The following ADAMTS3 variants were observed in gnomAD, a reference collection of about 807,000 sequenced individuals.
ADAMTS3 encodes the protein A disintegrin and metalloproteinase with thrombospondin motifs 3.
A neutral mutation model predicts 129.0 loss-of-function variants in ADAMTS3; 73 were observed. The ratio of observed to expected loss-of-function variants is 0.57; its 90% CI spans 0.47 to 0.69. The LOEUF is 0.69. ADAMTS3 is among the 30% of genes least tolerant of loss of function. ADAMTS3 has a pLI of 0.00. For synonymous variants in ADAMTS3, 477 were observed against 510.8 expected (o/e 0.93, Z 0.89); for missense variants, 1,457 against 1,514.5 (o/e 0.96, Z 0.63).
At chr4:72,562,922 A>G (rs1721937910) in intron 2 of ADAMTS3, among the ~76,000 whole-genome samples, 1 of 152,176 alleles carries the variant, frequency 6.6e-6, no homozygotes, top group African/African-American at 2.4e-5. Context: ...ATCATTGTCA[A>G]TATATCCTTT....
chr4:72,420,170 T>G (rs1223406607), intron 3 of ADAMTS3, among the ~76,000 whole-genome samples: 13 of 152,002 alleles, frequency 8.6e-5, no homozygotes, highest in Non-Finnish European at 1.9e-4. Context: ...TCCTACCGAG[T>G]CCACCTAGGC....
At chr4:72,548,045 G>A (rs1050472471) in intron 3 of ADAMTS3, among the ~76,000 whole-genome samples, 4 of 152,168 alleles carry the variant, frequency 2.6e-5, no homozygotes, top group African/African-American at 4.8e-5. Context: ...ATTCTGTGAG[G>A]AAGCTAAAGA....
At chr4:72,297,524 T>A (rs1263479547) in intron 18 of ADAMTS3, among the ~76,000 whole-genome samples, 1 of 152,186 alleles carries the variant, frequency 6.6e-6, no homozygotes, top group Non-Finnish European at 1.5e-5. Flanking sequence ...GCCTCTTGCC[T>A]TCTCCTGCCC....
At chr4:72,516,927 G>T (rs1720501017) in intron 3 of ADAMTS3, among the ~76,000 whole-genome samples, 1 of 152,060 alleles carries the variant, frequency 6.6e-6, no homozygotes, top group South Asian at 2.1e-4. Flanking sequence ...TTTTCAAAGG[G>T]AATGCTTCCA....
rs551640243 is a variant in ADAMTS3, at chr4:72,467,983, G to A, written c.505-53012C>T. Among the ~76,000 whole-genome samples, 20 of 151,094 alleles carry A rather than the reference G, an allele frequency of 1.3e-4. No homozygotes were observed. The East Asian group carries it at 3.7e-3, about 28-fold the overall frequency. On this transcript the variant is annotated intron_variant, in intron 3 of 21. Transcript: ENST00000286657. Reference sequence around the variant, plus strand: ...ATCATATATGCCTGTATGTATCAGAGCAAAGAAGGTTATAAACTCTGGACC... The same window carrying A: ...ATCATATATGCCTGTATGTATCAGAACAAAGAAGGTTATAAACTCTGGACC...
chr4:72,488,801 C>T (rs1239262710), intron 3 of ADAMTS3, among the ~76,000 whole-genome samples: 1 of 151,648 alleles, frequency 6.6e-6, no homozygotes, highest in African/African-American at 2.4e-5. Flanking sequence ...GGTGAGAACA[C>T]CTAGGATCTA....
At chr4:72,560,582 G>A (rs1721878735) in intron 2 of ADAMTS3, among the ~76,000 whole-genome samples, 1 of 152,130 alleles carries the variant, frequency 6.6e-6, no homozygotes, top group African/African-American at 2.4e-5. Flanking sequence ...AACTAACTCA[G>A]GAACAGAAAA....
At chr4:72,423,004 A>G (rs887347200) in intron 3 of ADAMTS3, among the ~76,000 whole-genome samples, 1 of 152,190 alleles carries the variant, frequency 6.6e-6, no homozygotes, top group Non-Finnish European at 1.5e-5. Flanking sequence ...GTTCCATCAA[A>G]AATTACAATG....
chr4:72,302,321 C>G (rs1301008661), intron 17 of ADAMTS3, among the ~76,000 whole-genome samples: 2 of 145,978 alleles, frequency 1.4e-5, no homozygotes, highest in African/African-American at 5.0e-5. Context: ...AAAAAAGAAC[C>G]AAATGGAAAT....
At chr4:72,559,928 A>T (rs1249508042) in intron 2 of ADAMTS3, among the ~76,000 whole-genome samples, 1 of 151,766 alleles carries the variant, frequency 6.6e-6, no homozygotes, top group Admixed American at 6.6e-5. Context: ...GCATCAAACT[A>T]CCTGACTTCA....
chr4:72,311,064 A>G lies in ADAMTS3; in HGVS notation c.2039T>C (p.Val680Ala). The G allele has an allele frequency of 6.2e-7, 1 of 1,607,510 alleles. No individual in the cohort carries two copies. The highest frequency in any genetic ancestry group is 1.1e-5 in the South Asian group (1 of 89,946). Reference protein sequence around the residue: ...CSYKDPYSICVRGECVKVGCD... With the variant: ...CSYKDPYSICARGECVKVGCD... ...TGAACTTACCACACACTCTCCTCGC[A>G]CACATATGCTATATGGATCTTTGTA... is the stretch of plus-strand genomic sequence containing the variant. Residue 680 changes from valine (V) to alanine (A), a missense_variant, in exon 14 of 22, where the codon GTG (valine) becomes GCG (alanine). Physicochemically the swap from Val to Ala is moderately conservative, Grantham distance 64. Coordinates refer to ENST00000286657, the MANE Select transcript of ADAMTS3 (RefSeq NM_014243.3).
intron 3 of ADAMTS3, among the ~76,000 whole-genome samples, chr4:72,478,345 T>C (rs1719306674): frequency 6.6e-6 from 1 of 150,714 alleles, no homozygotes; most frequent in Non-Finnish European, 1.5e-5. Flanking sequence ...TTATCCACCA[T>C]GATCAAGTGG....
chr4:72,420,718 A>G (rs1722422317), intron 3 of ADAMTS3, among the ~76,000 whole-genome samples: 1 of 152,242 alleles, frequency 6.6e-6, no homozygotes, highest in South Asian at 2.1e-4. Context: ...ATACCTGATA[A>G]ATGAAAAAAC....
chr4:72,551,302 CA>C (rs1721640580), intron 2 of ADAMTS3, among the ~76,000 whole-genome samples: 1 of 152,036 alleles, frequency 6.6e-6, no homozygotes. Flanking sequence ...TCTCCATACC[CA>C]AGAGGATACT....
chr4:72,413,911 A>G (rs1207986676), intron 4 of ADAMTS3, among the ~76,000 whole-genome samples: 1 of 139,824 alleles, frequency 7.2e-6, no homozygotes, highest in Non-Finnish European at 1.6e-5. Context: ...GTTATCTTAA[A>G]TTGCACTATT....
At chr4:72,362,001 A>G (rs1720740891) in intron 4 of ADAMTS3, among the ~76,000 whole-genome samples, 1 of 77,184 alleles carries the variant, frequency 1.3e-5, no homozygotes, top group African/African-American at 3.2e-5. Context: ...AATGTCCAAA[A>G]TTATATAAGT....
chr4:72,534,188 G>A (rs772456346), intron 3 of ADAMTS3, among the ~76,000 whole-genome samples: 4 of 152,096 alleles, frequency 2.6e-5, no homozygotes, highest in Non-Finnish European at 4.4e-5. Flanking sequence ...TTAGCCGGGC[G>A]TGGTGGCGGG....
chr4:72,521,634 TCC>T (rs1720673853), intron 3 of ADAMTS3, among the ~76,000 whole-genome samples: 1 of 152,130 alleles, frequency 6.6e-6, no homozygotes, highest in Non-Finnish European at 1.5e-5. Flanking sequence ...ACAAGAAACA[TCC>T]TCGAAAGTGA....
In ADAMTS3 at chr4:72,283,152, G is replaced by T. The variant is rs1490005993; in HGVS notation, c.3602C>A (p.Ser1201Tyr). The T allele has an allele frequency of 6.2e-7, 1 of 1,608,206 alleles. No individual in the cohort carries two copies. Among genetic ancestry groups the T allele is most frequent in the East Asian group, 2.2e-5 (1 of 44,836 alleles). Residue 1201 changes from serine to tyrosine, a missense_variant, in exon 22 of 22, where the codon TCC becomes TAC. By Grantham distance (144) the Ser-to-Tyr change is moderately radical (BLOSUM62 -2). Coordinates refer to ENST00000286657, the MANE Select transcript of ADAMTS3 (RefSeq NM_014243.3). ...IIDNRRPTRS[S>Y]TLER is the part of the protein sequence containing the mutation. ...TTCACTTTCTCATCTTTCTAAGGTGGATGATCTTGTCGGACGTCTGTTGTC... is the reference window on the plus strand; with the variant it reads ...TTCACTTTCTCATCTTTCTAAGGTGTATGATCTTGTCGGACGTCTGTTGTC...
Sources: gnomAD v4.1 joint callset for allele counts (sites outside exome capture counted in the v4.1 genomes callset) on GRCh38, gnomAD v4.1.1 for gene constraint, MANE v1.5 for transcripts, NCBI Gene and HGNC (gene_info 2026-07-23, HGNC 2026-07-21) for gene names.